The following ANKRD62 variants were observed in gnomAD, a reference collection of about 807,000 sequenced individuals.
ANKRD62 encodes the protein ankyrin repeat domain-containing protein 62.
ANKRD62 carries 61 observed loss-of-function variants against 98.8 expected under a neutral mutation model. The observed-to-expected ratio is 0.62, with a 90% CI of 0.50 to 0.76. ANKRD62 has a LOEUF of 0.76. Among genes scored for constraint, ANKRD62 ranks in the 30% least tolerant of loss-of-function variants. The pLI, the probability that ANKRD62 is intolerant of heterozygous loss-of-function variation, is 0.00. For missense variants in ANKRD62, 933 were observed against 1,082.9 expected, an observed-to-expected ratio of 0.86 and a Z score of 1.94; for synonymous variants, 341 against 367.9, an observed-to-expected ratio of 0.93 and a Z score of 0.84.
chr18:12,150,986 C>T, the ANKRD62 span, among the ~76,000 whole-genome samples: 3 of 152,108 alleles, frequency 2.0e-5, no homozygotes, highest in Non-Finnish European at 2.9e-5. Flanking sequence ...AAAAAGGCAC[C>T]GTGTGGCAAG....
At chr18:12,127,486 A>C (rs1421882553) in intron 13 of ANKRD62, among the ~76,000 whole-genome samples, 3 of 152,212 alleles carry the variant, frequency 2.0e-5, no homozygotes, top group South Asian at 2.1e-4. Flanking sequence ...TTGAGACCTC[A>C]GAAGGTTTTT....
chr18:12,093,862 C>T lies in ANKRD62; in HGVS notation c.-156C>T. The T allele has an allele frequency of 2.9e-6, 2 of 689,350 alleles. No homozygotes were observed. Among genetic ancestry groups the T allele is most frequent in the Non-Finnish European group, 5.0e-6 (2 of 403,524 alleles). The allele number at this position is 689,350 out of a possible 1,614,324, so 42.7% of individuals were successfully genotyped here. ...CCTAACGGCTCTGCTGGGCTAGGTGCTCCTCCGAGCAGCTGGAGACTGGAG... is the reference window on the plus strand; with the variant it reads ...CCTAACGGCTCTGCTGGGCTAGGTGTTCCTCCGAGCAGCTGGAGACTGGAG... On this transcript the variant is annotated 5_prime_UTR_variant, in exon 1 of 14. Transcript: ENST00000587848.
chr18:12,138,178 C>A, the ANKRD62 span, among the ~76,000 whole-genome samples: 37 of 152,180 alleles, frequency 2.4e-4, no homozygotes, highest in East Asian at 5.8e-4. Context: ...CTCTTGTGGG[C>A]ATTTAGTGCT....
rs532665926 is a variant in ANKRD62, at chr18:12,093,956, G to A, written c.-62G>A. On this transcript the variant is annotated 5_prime_UTR_variant, in exon 1 of 14. Transcript: ENST00000587848. ...GCTGCGCTCCAGAGAGGCAGAAAACGAGTGGGAGCTGAGGTGTCTTAAAGC... is the reference window on the plus strand; with the variant it reads ...GCTGCGCTCCAGAGAGGCAGAAAACAAGTGGGAGCTGAGGTGTCTTAAAGC... 7.4e-6 allele frequency: 11 copies of A among 1,489,612 alleles called. No homozygotes were observed. The African/African-American group carries it at 1.2e-4, about 17-fold the overall frequency. The allele number at this position is 1,489,612 out of a possible 1,614,324, so 92.3% of individuals were successfully genotyped here.
the ANKRD62 span, among the ~76,000 whole-genome samples, chr18:12,172,323 T>C: frequency 4.9e-4 from 75 of 152,304 alleles, no homozygotes; most frequent in Non-Finnish European, 8.7e-4. Context: ...GGGGTTTTGG[T>C]GTGGATGTCC....
chr18:12,115,145 G>A (rs749381585), intron 9 of ANKRD62, 24 bp downstream of exon 9: 1 of 1,389,644 alleles, frequency 7.2e-7, no homozygotes, highest in South Asian at 1.8e-5. Flanking sequence ...AAATTGTCAA[G>A]AATGCTGTTG....
rs1197247448 is a variant in ANKRD62, at chr18:12,096,314, C to CT, written c.614+19dup. The stretch of plus-strand genomic sequence containing the variant: ...GATAATTTTGGAAGGTACAGTAGTT[C>CT]TTTTTTTGTTCATTTTTAAACCTGA... On this transcript the variant is annotated intron_variant, in intron 4 of 13. Transcript: ENST00000587848. 10 of 1,459,280 alleles carry CT rather than the reference C, an allele frequency of 6.9e-6. No homozygotes were observed. The highest frequency in any genetic ancestry group is 7.4e-6 in the Non-Finnish European group (8 of 1,088,220). The allele number at this position is 1,459,280 out of a possible 1,614,324, so 90.4% of individuals were successfully genotyped here. A position where few individuals can be genotyped will look rare whatever the true frequency, so the allele number is the denominator to read the frequency against.
chr18:12,171,867 G>A, the ANKRD62 span, among the ~76,000 whole-genome samples: 12 of 150,422 alleles, frequency 8.0e-5, no homozygotes, highest in South Asian at 4.2e-4. Context: ...TAAACTTCTC[G>A]CTTCATTTCA....
chr18:12,126,622 A>G (rs1384562248), intron 13 of ANKRD62, among the ~76,000 whole-genome samples: 6 of 152,238 alleles, frequency 3.9e-5, no homozygotes, highest in African/African-American at 1.4e-4. Flanking sequence ...TTCAGTTACA[A>G]AATGTTAATA....
chr18:12,101,296 A>C (rs1299421640), intron 6 of ANKRD62, among the ~76,000 whole-genome samples: 1 of 152,214 alleles, frequency 6.6e-6, no homozygotes, highest in Non-Finnish European at 1.5e-5. Context: ...TTTCATATTC[A>C]TGGACAGATT....
chr18:12,152,154 T>C, the ANKRD62 span, among the ~76,000 whole-genome samples: 1 of 104,952 alleles, frequency 9.5e-6, no homozygotes, highest in South Asian at 3.2e-4. Context: ...AAAGAGCTGA[T>C]ACCATTTCTG....
chr18:12,162,859 G>A, the ANKRD62 span, among the ~76,000 whole-genome samples: 1 of 150,790 alleles, frequency 6.6e-6, no homozygotes, highest in Non-Finnish European at 1.5e-5. Context: ...TCTTTACTCT[G>A]TTGCATTGGT....
At chr18:12,112,005 G>A (rs1041287651) in intron 8 of ANKRD62, among the ~76,000 whole-genome samples, 1 of 151,388 alleles carries the variant, frequency 6.6e-6, no homozygotes, top group Non-Finnish European at 1.5e-5. Flanking sequence ...AGTTACTTGG[G>A]AGGCTGAGGC....
Position 12,125,530 on chromosome 18 carries a change from G to T in ANKRD62, c.1709G>T (p.Arg570Ile). The change falls in exon 13 of 14, where the codon AGA becomes ATA. Residue 570 changes from arginine (R) to isoleucine (I), a missense_variant. Around this residue, in one of 3 missense-constraint regions of ANKRD62, gnomAD observed 362 missense variants for 434.5 expected, o/e 0.83. Transcript: ENST00000587848. ...CACTTGATGCGGGATGAAATTGCCAGACTCAGGCTGGAAATAGACACAATA... is the reference window on the plus strand; with the variant it reads ...CACTTGATGCGGGATGAAATTGCCATACTCAGGCTGGAAATAGACACAATA... ...ENHLMRDEIA[R>I]LRLEIDTIKH... 1.3e-6 allele frequency: 2 copies of T among 1,510,520 alleles called. No individual in the cohort carries two copies. The highest frequency in any genetic ancestry group is 1.8e-6 in the Non-Finnish European group (2 of 1,138,790). The allele number at this position is 1,510,520 out of a possible 1,614,324, so 93.6% of individuals were successfully genotyped here.
At chr18:12,159,821 G>A in the ANKRD62 span, among the ~76,000 whole-genome samples, 1 of 152,108 alleles carries the variant, frequency 6.6e-6, no homozygotes, top group Non-Finnish European at 1.5e-5. Context: ...AAGTGTATCT[G>A]TGAGACTATA....
chr18:12,163,761 A>T, the ANKRD62 span, among the ~76,000 whole-genome samples: 26 of 152,206 alleles, frequency 1.7e-4, no homozygotes, highest in South Asian at 5.4e-3. Flanking sequence ...CTCAGCATCA[A>T]TTGAAATGAT....
chr18:12,146,298 G>C, the ANKRD62 span, among the ~76,000 whole-genome samples: 1 of 152,220 alleles, frequency 6.6e-6, no homozygotes, highest in African/African-American at 2.4e-5. Flanking sequence ...GGACTTTCCA[G>C]GAGGAGGATC....
chr18:12,136,405 C>T, the ANKRD62 span, among the ~76,000 whole-genome samples: 4 of 152,218 alleles, frequency 2.6e-5, no homozygotes, highest in East Asian at 7.7e-4. Context: ...TGGTCTATAT[C>T]TCTGTTTTGG....
the ANKRD62 span, among the ~76,000 whole-genome samples, chr18:12,175,925 C>T: frequency 6.6e-5 from 10 of 151,828 alleles, no homozygotes; most frequent in Non-Finnish European, 1.3e-4. Context: ...GGCACGGTGG[C>T]TCACACCTGT....
Sources: allele counts gnomAD v4.1 joint callset (sites outside exome capture counted in the v4.1 genomes callset), GRCh38; gene constraint gnomAD v4.1.1; regional missense constraint gnomAD v4.1.1; transcripts MANE v1.5; gene names NCBI Gene and HGNC (gene_info 2026-07-23, HGNC 2026-07-21).